The following EDC3 variants were observed in gnomAD, a reference collection of about 807,000 sequenced individuals.
The protein encoded by EDC3 is enhancer of mRNA decapping 3, also known as enhancer of mRNA-decapping protein 3.
In EDC3, 20 loss-of-function variants were observed where a neutral mutation model predicts 41.8. The observed-to-expected ratio is 0.48, with a 90% CI of 0.34 to 0.70. The LOEUF (loss-of-function observed/expected upper bound fraction) is 0.70. EDC3 is among the 30% of genes least tolerant of loss of function. The pLI is 0.01. For synonymous variants in EDC3, 206 were observed against 243.2 expected (o/e 0.85, Z 1.42); for missense variants, 444 against 636.8 (o/e 0.70, Z 3.26).
chr15:74,635,962 C>T (rs1319318676), intron 5 of EDC3: 12 of 302,072 alleles, frequency 4.0e-5, no homozygotes, highest in Non-Finnish European at 7.0e-5. Context: ...TCTTCCCCAA[C>T]GTGTCTGCTT....
chr15:74,653,551 G>A (rs1412273786), intron 4 of EDC3, among the ~76,000 whole-genome samples: 10 of 152,132 alleles, frequency 6.6e-5, no homozygotes, highest in Non-Finnish European at 1.5e-4. Flanking sequence ...CCTTGTCACT[G>A]TTAAGAACAA....
intron 1 of EDC3, among the ~76,000 whole-genome samples, chr15:74,681,979 T>A (rs2062875058): frequency 6.6e-6 from 1 of 152,222 alleles, no homozygotes; most frequent in Admixed American, 6.5e-5. Flanking sequence ...AAACCACCTA[T>A]CTGACAAAGA....
intron 3 of EDC3, among the ~76,000 whole-genome samples, chr15:74,659,726 CAT>C (rs1394429005): frequency 3.3e-5 from 5 of 151,348 alleles, no homozygotes; most frequent in Admixed American, 3.3e-4. Context: ...TAAAAAACCA[CAT>C]GAGAACACAT....
At chr15:74,644,717 T>A (rs911362252) in intron 4 of EDC3, 3 of 151,842 alleles carry the variant, frequency 2.0e-5, no homozygotes, top group Non-Finnish European at 2.9e-5. Context: ...CACTTACAAC[T>A]AGACCAGCCC....
At chr15:74,661,025 C>T (rs1011641276) in intron 3 of EDC3, among the ~76,000 whole-genome samples, 2 of 152,186 alleles carry the variant, frequency 1.3e-5, no homozygotes, top group African/African-American at 4.8e-5. Flanking sequence ...TTTAAGTGTA[C>T]AGTTCAGTGG....
At chr15:74,654,340 G>C (rs2062518092) in intron 4 of EDC3, among the ~76,000 whole-genome samples, 1 of 152,178 alleles carries the variant, frequency 6.6e-6, no homozygotes, top group African/African-American at 2.4e-5. Context: ...AGCAGCACTT[G>C]GACTACAGAT....
rs2062601512 is a variant in EDC3 at position 74,659,931 on chromosome 15, G to A, written c.485-3863C>T. Among the ~76,000 whole-genome samples the A allele has an allele frequency of 2.6e-5, 4 of 151,860 alleles. No individual in the cohort carries two copies. In the South Asian group the frequency reaches 8.3e-4, roughly 32 times the overall value. Reference sequence around the variant, plus strand: ...ATGGTGGCGCGCACATGTAGTCCCAGCTACTTGGAAAGCTGAAGCAGGAGA... The same window carrying A: ...ATGGTGGCGCGCACATGTAGTCCCAACTACTTGGAAAGCTGAAGCAGGAGA... On this transcript the variant is annotated intron_variant, in intron 3 of 6. Coordinates refer to ENST00000315127, the MANE Select transcript of EDC3 (RefSeq NM_025083.5).
At chr15:74,692,945 C>G (rs1327426572) in intron 1 of EDC3, 1 of 152,174 alleles carries the variant, frequency 6.6e-6, no homozygotes, top group Non-Finnish European at 1.5e-5. Flanking sequence ...TAAGATCTAA[C>G]AGATTCCACA....
At chr15:74,672,513 T>C (rs904087731) in intron 2 of EDC3, among the ~76,000 whole-genome samples, 4 of 151,976 alleles carry the variant, frequency 2.6e-5, no homozygotes, top group African/African-American at 9.7e-5. Flanking sequence ...CAAGTACATA[T>C]TCAATCAAAA....
At chr15:74,640,341 C>A in intron 5 of EDC3, 125 bp downstream of exon 5, 1 of 1,098,468 alleles carries the variant, frequency 9.1e-7, no homozygotes, top group Non-Finnish European at 1.3e-6. Flanking sequence ...TTCAGAGAGA[C>A]ACTCCCATCA....
rs748819356 is a variant in EDC3 at position 74,671,677 on chromosome 15, C to T, written c.262G>A (p.Gly88Ser). 1 of 1,614,032 alleles carries T rather than the reference C, an allele frequency of 6.2e-7. No individual in the cohort carries two copies. Among genetic ancestry groups the T allele is most frequent in the African/African-American group, 1.3e-5 (1 of 74,906 alleles). Residue 88 changes from glycine (G) to serine (S), a missense_variant, in exon 3 of 7, where the codon GGT (glycine) becomes AGT (serine). Gly to Ser is a moderately conservative substitution (Grantham distance 56, BLOSUM62 0). This residue lies in a region of EDC3 where 200 missense variants were observed against 244.0 expected (regional missense o/e 0.82). Transcript: ENST00000315127. The surrounding 1 kb of genome is among the most constrained non-coding windows in gnomAD (Gnocchi z 4.6). ...TTGATGCCCACTTGGCAGCCAGCAC[C>T]AGAGGGGCCTAATTCTGTTTGATGA... ...DLHQTELGPS[G>S]AGCQVGINQN...
chr15:74,673,286 G>A (rs1352246090), intron 2 of EDC3, among the ~76,000 whole-genome samples: 3 of 152,094 alleles, frequency 2.0e-5, no homozygotes, highest in Admixed American at 6.6e-5. Context: ...GAGACATTTC[G>A]AATCCATACG....
intron 1 of EDC3, among the ~76,000 whole-genome samples, chr15:74,681,456 T>C (rs1296345411): frequency 6.6e-6 from 1 of 152,160 alleles, no homozygotes; most frequent in Non-Finnish European, 1.5e-5. Context: ...GGCTGCTAAA[T>C]CAATTTTTTA....
At chr15:74,674,031 T>G (rs1286643786) in intron 2 of EDC3, among the ~76,000 whole-genome samples, 1 of 152,038 alleles carries the variant, frequency 6.6e-6, no homozygotes, top group African/African-American at 2.4e-5. Flanking sequence ...GTGGAATACA[T>G]GCAAAGAAAA....
At chr15:74,669,397 A>G (rs2062713933) in intron 3 of EDC3, among the ~76,000 whole-genome samples, 1 of 151,562 alleles carries the variant, frequency 6.6e-6, no homozygotes. Context: ...CTGTAGTACC[A>G]GCTTCTAGGG....
chr15:74,648,424 G>C (rs2141599776), intron 4 of EDC3, among the ~76,000 whole-genome samples: 1 of 152,288 alleles, frequency 6.6e-6, no homozygotes, highest in Non-Finnish European at 1.5e-5. Flanking sequence ...AGCCAAACTT[G>C]TCCTAAGAGC....
intron 3 of EDC3, among the ~76,000 whole-genome samples, chr15:74,665,710 T>C (rs538107734): frequency 6.6e-6 from 1 of 152,090 alleles, no homozygotes; most frequent in South Asian, 2.1e-4. Context: ...CTAACTATTA[T>C]AAACCAACAA....
Position 74,630,668 on chromosome 15 carries a change from G to A in EDC3, c.*1944C>T, listed in dbSNP as rs1015945302. On this transcript the variant is annotated 3_prime_UTR_variant, in exon 7 of 7. Coordinates refer to ENST00000315127, the MANE Select transcript of EDC3 (RefSeq NM_025083.5). ...GGCCCCTTGGGAACTGGGTACTATG[G>A]GCAGGATGCCCCTGAAAAGAACTGA... 2 of 152,256 alleles carry A rather than the reference G, an allele frequency of 1.3e-5. No homozygotes were observed. Among genetic ancestry groups the A allele is most frequent in the Admixed American group, 1.3e-4 (2 of 15,282 alleles). 9.4% of individuals were successfully genotyped at this position (152,256 alleles called of 1,614,324 possible).
rs571629372 is a variant in EDC3, at chr15:74,668,384, G to A, written c.484+3071C>T. Reference sequence around the variant, plus strand: ...CAAGTATACCATACAAATGTAAGACGTTAATAACGGGGAAAAATGTGTAGA... The same window carrying A: ...CAAGTATACCATACAAATGTAAGACATTAATAACGGGGAAAAATGTGTAGA... On this transcript the variant is annotated intron_variant, in intron 3 of 6. Coordinates refer to ENST00000315127, the MANE Select transcript of EDC3 (RefSeq NM_025083.5). 7.2e-4 allele frequency among the ~76,000 whole-genome samples: 110 copies of A among 151,872 alleles called. 1 individual carries two copies. The highest frequency in any genetic ancestry group is 3.4e-3 in the Middle Eastern group (1 of 294).
Sources: allele counts gnomAD v4.1 joint callset (sites outside exome capture counted in the v4.1 genomes callset), GRCh38; gene constraint gnomAD v4.1.1; regional missense constraint gnomAD v4.1.1; non-coding constraint Gnocchi (gnomAD v3.1); transcripts MANE v1.5; gene names NCBI Gene and HGNC (gene_info 2026-07-23, HGNC 2026-07-21).